The following THSD7A variants were observed in gnomAD, a reference collection of about 807,000 sequenced individuals.
THSD7A encodes thrombospondin type-1 domain-containing protein 7A.
THSD7A carries 96 observed loss-of-function variants against 231.3 expected under a neutral mutation model. That is an observed-to-expected ratio of 0.41 (90% CI 0.35 to 0.49). THSD7A has a LOEUF of 0.49. Ranked by LOEUF, THSD7A falls within the 20% of genes least tolerant of loss-of-function variation. The pLI is 0.05. For synonymous variants in THSD7A, 940 were observed against 743.3 expected (o/e 1.26, Z -4.30); for missense variants, 2,290 against 2,070.2 (o/e 1.11, Z -2.06).
In THSD7A at chr7:11,675,885, G is replaced by C. The variant is rs551947697; in HGVS notation, c.191-38924C>G. Among the ~76,000 whole-genome samples, 82 of 152,288 alleles carry C rather than the reference G, an allele frequency of 5.4e-4. 1 individual carries two copies. The Middle Eastern group carries it at 0.02, about 38-fold the overall frequency. ...TGCCTGCCAGCTCTGAAGAGAAAAT[G>C]GATCTCCCAGCACAGCGCTGGAGCT... On this transcript the variant is annotated intron_variant, in intron 1 of 27. Transcript: ENST00000423059.
chr7:11,484,266 C>T (rs933636195), intron 6 of THSD7A, among the ~76,000 whole-genome samples: 32 of 152,180 alleles, frequency 2.1e-4, no homozygotes, highest in South Asian at 2.1e-4. Context: ...CACTGTCTCA[C>T]ATTTAGGTTG....
rs760600623 is a variant in THSD7A at position 11,543,127 on chromosome 7, A to C, written c.1454-10T>G. On this transcript the variant is annotated splice_polypyrimidine_tract_variant and intron_variant, in intron 4 of 27. Coordinates refer to ENST00000423059, the MANE Select transcript of THSD7A (RefSeq NM_015204.3). Reference sequence around the variant, plus strand: ...TCCATTGGCTTTGAGGCTAGAGAAAAATACAGACACATATTAAAAAATGAA... The same window carrying C: ...TCCATTGGCTTTGAGGCTAGAGAAACATACAGACACATATTAAAAAATGAA... 7 of 1,607,060 alleles carry C rather than the reference A, an allele frequency of 4.4e-6. No homozygotes were observed. The East Asian group carries it at 1.3e-4, about 31-fold the overall frequency.
intron 23 of THSD7A, among the ~76,000 whole-genome samples, chr7:11,387,616 G>A (rs946933041): frequency 6.6e-6 from 1 of 152,126 alleles, no homozygotes; most frequent in East Asian, 1.9e-4. Flanking sequence ...GGGCTGATAT[G>A]ATGGGGTTTT....
intron 14 of THSD7A, among the ~76,000 whole-genome samples, chr7:11,428,341 C>T (rs1583721817): frequency 6.6e-6 from 1 of 152,142 alleles, no homozygotes; most frequent in Non-Finnish European, 1.5e-5. Flanking sequence ...TCTAATAGAA[C>T]AGAACGACAA....
In THSD7A at chr7:11,624,649, G is replaced by A. The variant is rs896538387; in HGVS notation, c.1022+11481C>T. 5.3e-5 allele frequency among the ~76,000 whole-genome samples: 8 copies of A among 152,156 alleles called. No homozygotes were observed. The South Asian group carries it at 1.0e-3, about 20-fold the overall frequency. On this transcript the variant is annotated intron_variant, in intron 2 of 27. Transcript: ENST00000423059. ...AGTCCTTCTCTCAAAAACTTTAGTT[G>A]TTTTTATGTAAGATTTATCCTTTCA...
chr7:11,804,769 C>T (rs1181251710), intron 1 of THSD7A, among the ~76,000 whole-genome samples: 1 of 152,122 alleles, frequency 6.6e-6, no homozygotes, highest in Non-Finnish European at 1.5e-5. Context: ...TAAACACTTC[C>T]ATTGTTTGCT....
intron 13 of THSD7A, among the ~76,000 whole-genome samples, chr7:11,438,178 G>A (rs1784692364): frequency 6.6e-6 from 1 of 151,926 alleles, no homozygotes; most frequent in African/African-American, 2.4e-5. Context: ...CATGACACCT[G>A]CTTTGGAATC....
intron 1 of THSD7A, among the ~76,000 whole-genome samples, chr7:11,800,735 A>T (rs904624626): frequency 1.3e-5 from 2 of 152,096 alleles, no homozygotes; most frequent in African/African-American, 4.8e-5. Context: ...GGGGAGAGGG[A>T]AATGGAGAAT....
intron 23 of THSD7A, among the ~76,000 whole-genome samples, chr7:11,395,599 C>G (rs1317929461): frequency 2.0e-5 from 3 of 151,368 alleles, no homozygotes; most frequent in Admixed American, 6.6e-5. Flanking sequence ...ACTATCTCAG[C>G]TCACTGCAAC....
At chr7:11,567,352 C>A (rs1217808830) in intron 4 of THSD7A, among the ~76,000 whole-genome samples, 1 of 152,142 alleles carries the variant, frequency 6.6e-6, no homozygotes, top group Non-Finnish European at 1.5e-5. Flanking sequence ...AACTCACTCA[C>A]TGTCACGAGA....
chr7:11,406,131 T>A lies in THSD7A; in HGVS notation c.4237+169A>T, dbSNP rs1296212276. On this transcript the variant is annotated intron_variant, in intron 22 of 27. Coordinates refer to ENST00000423059, the MANE Select transcript of THSD7A (RefSeq NM_015204.3). The surrounding 1 kb of genome is among the most constrained non-coding windows in gnomAD (Gnocchi z 4.7). Reference sequence around the variant, plus strand: ...GGACTTCAACCCTACCTGGCAGTAATGAGACAGCGTCCCGTTCCCCACAGG... The same window carrying A: ...GGACTTCAACCCTACCTGGCAGTAAAGAGACAGCGTCCCGTTCCCCACAGG... Among the ~76,000 whole-genome samples the A allele has an allele frequency of 6.6e-6, 1 of 152,164 alleles. No homozygotes were observed. The highest frequency in any genetic ancestry group is 1.5e-5 in the Non-Finnish European group (1 of 68,024).
intron 23 of THSD7A, among the ~76,000 whole-genome samples, chr7:11,386,921 CT>C (rs1468421562): frequency 2.0e-5 from 3 of 152,302 alleles, no homozygotes; most frequent in African/African-American, 7.2e-5. Flanking sequence ...TTTCAGTTTT[CT>C]GCATATGGCT....
intron 1 of THSD7A, among the ~76,000 whole-genome samples, chr7:11,642,323 A>T (rs1277123584): frequency 1.3e-5 from 2 of 152,106 alleles, no homozygotes; most frequent in African/African-American, 4.8e-5. Flanking sequence ...TGCTTCTTTT[A>T]TTGTTTTGTT....
rs528785976 is a variant in THSD7A at position 11,724,441 on chromosome 7, A to G, written c.191-87480T>C. On this transcript the variant is annotated intron_variant, in intron 1 of 27. Transcript: ENST00000423059. ...CAGTATTGACAGCAGAGAGCTCTGT[A>G]CTGATTTTATTGCTTATAATCAGTC... 2.0e-5 allele frequency among the ~76,000 whole-genome samples: 3 copies of G among 152,012 alleles called. No homozygotes were observed. In the South Asian group the frequency reaches 6.2e-4, roughly 32 times the overall value.
At chr7:11,380,428 A>C (rs998395669) in intron 24 of THSD7A, among the ~76,000 whole-genome samples, 7 of 152,206 alleles carry the variant, frequency 4.6e-5, no homozygotes, top group African/African-American at 1.7e-4. Context: ...ATACTTGTTC[A>C]GTTTAACAGA....
At chr7:11,738,436 TG>T (rs1781990226) in intron 1 of THSD7A, among the ~76,000 whole-genome samples, 1 of 152,036 alleles carries the variant, frequency 6.6e-6, no homozygotes, top group East Asian at 1.9e-4. Flanking sequence ...TAACCCAATA[TG>T]AATCAAAAGA....
At chr7:11,644,319 C>G (rs1206611497) in intron 1 of THSD7A, among the ~76,000 whole-genome samples, 3 of 151,872 alleles carry the variant, frequency 2.0e-5, no homozygotes, top group Non-Finnish European at 4.4e-5. Flanking sequence ...CAAAATTATA[C>G]TAATTGAATT....
chr7:11,704,767 G>T (rs1780711970), intron 1 of THSD7A, among the ~76,000 whole-genome samples: 1 of 151,006 alleles, frequency 6.6e-6, no homozygotes, highest in Non-Finnish European at 1.5e-5. Context: ...TTTATGGATT[G>T]TGACAAGAAA....
At chr7:11,430,164 T>C (rs1383438470) in intron 13 of THSD7A, among the ~76,000 whole-genome samples, 2 of 152,206 alleles carry the variant, frequency 1.3e-5, no homozygotes, top group Non-Finnish European at 2.9e-5. Flanking sequence ...GATTATAATG[T>C]AAACAATTGA....
Sources: gnomAD v4.1 joint callset for allele counts (sites outside exome capture counted in the v4.1 genomes callset) on GRCh38, gnomAD v4.1.1 for gene constraint, Gnocchi (gnomAD v3.1) non-coding constraint, MANE v1.5 for transcripts, NCBI Gene and HGNC (gene_info 2026-07-23, HGNC 2026-07-21) for gene names.